The following SLAMF1 variants were observed in gnomAD, a reference collection of about 807,000 sequenced individuals.
SLAMF1 encodes the protein signaling lymphocytic activation molecule family member 1, also known as signaling lymphocytic activation molecule.
A neutral mutation model predicts 35.1 loss-of-function variants in SLAMF1; 18 were observed. The ratio of observed to expected loss-of-function variants is 0.51; its 90% confidence interval spans 0.35 to 0.76. The LOEUF is 0.76. SLAMF1 is among the 30% of genes least tolerant of loss of function. The probability of loss-of-function intolerance (pLI) is 0.01; values close to 1 mark genes in which losing one functional copy is unlikely to be tolerated. For missense variants in SLAMF1, 392 were observed against 413.0 expected, an observed-to-expected ratio of 0.95 and a Z score of 0.44; for synonymous variants, 168 against 157.2, an observed-to-expected ratio of 1.07 and a Z score of -0.51.
chr1:160,628,566 C>G (rs182872685), intron 3 of SLAMF1, among the ~76,000 whole-genome samples: 1 of 152,150 alleles, frequency 6.6e-6, no homozygotes, highest in Non-Finnish European at 1.5e-5. Context: ...ACTTTGATTG[C>G]AAATTCCATG....
intron 6 of SLAMF1, among the ~76,000 whole-genome samples, chr1:160,611,185 T>A (rs1658964501): frequency 6.6e-6 from 1 of 152,066 alleles, no homozygotes; most frequent in Admixed American, 6.5e-5. Flanking sequence ...AAAAGTCTAG[T>A]GGGACTCAAA....
chr1:160,629,716 G>A (rs1181955733), intron 3 of SLAMF1, among the ~76,000 whole-genome samples: 7 of 152,178 alleles, frequency 4.6e-5, no homozygotes, highest in Admixed American at 3.3e-4. Flanking sequence ...TCATGCTTTC[G>A]TGGTAATACG....
chr1:160,637,384 G>T lies in SLAMF1; in HGVS notation c.222C>A (p.Val74=), dbSNP rs191229048. The change falls in exon 2 of 7, where the codon GTC becomes GTA. Residue 74 remains valine (V), a synonymous_variant. Transcript: ENST00000302035. Reference sequence around the variant, plus strand: ...GATCAAGAGACACTATTTTGTTCTCGACACTGTTCTCCAGTGATTTTGCCA... The same window carrying T: ...GATCAAGAGACACTATTTTGTTCTCTACACTGTTCTCCAGTGATTTTGCCA... ...VTMAKSLENS[V]ENKIVSLDPS... The T allele has an allele frequency of 4.1e-5, 66 of 1,613,946 alleles. No homozygotes were observed. The Middle Eastern group carries it at 5.0e-4, about 12-fold the overall frequency.
chr1:160,637,136 G>T, intron 2 of SLAMF1, 55 bp downstream of exon 2: 4 of 1,204,642 alleles, frequency 3.3e-6, no homozygotes, highest in Non-Finnish European at 4.9e-6. Context: ...CTAAATTCTT[G>T]GTCAAAGGAG....
At chr1:160,637,550 G>C (rs748214804) in intron 1 of SLAMF1, 21 bp from the exon 2 acceptor site, 1 of 1,562,780 alleles carries the variant, frequency 6.4e-7, no homozygotes. Context: ...GAGGAGAAGA[G>C]AGTCCCTTAT....
chr1:160,612,642 T>G, intron 5 of SLAMF1, 62 bp from the exon 6 acceptor site: 1 of 998,124 alleles, frequency 1.0e-6, no homozygotes, highest in Non-Finnish European at 1.6e-6. Context: ...CACCCAACTC[T>G]CCGATAGAGA....
At chr1:160,622,643 A>G (rs1047574312) in intron 4 of SLAMF1, among the ~76,000 whole-genome samples, 2 of 152,208 alleles carry the variant, frequency 1.3e-5, no homozygotes, top group Admixed American at 1.3e-4. Flanking sequence ...TTTTCTGTGT[A>G]TTGATACCAA....
At chr1:160,640,690 T>C (rs764589557) in intron 1 of SLAMF1, among the ~76,000 whole-genome samples, 2 of 152,076 alleles carry the variant, frequency 1.3e-5, no homozygotes, top group African/African-American at 4.8e-5. Flanking sequence ...GCTCAGCTAA[T>C]AGTAGACTAG....
intron 3 of SLAMF1, among the ~76,000 whole-genome samples, chr1:160,626,528 A>C (rs1659889793): frequency 6.6e-6 from 1 of 152,226 alleles, no homozygotes; most frequent in African/African-American, 2.4e-5. Context: ...ACAAATATGA[A>C]TCATAGACCT....
chr1:160,616,903 C>T (rs1019979777), intron 5 of SLAMF1, among the ~76,000 whole-genome samples: 2 of 151,996 alleles, frequency 1.3e-5, no homozygotes, highest in Non-Finnish European at 2.9e-5. Context: ...TGCCTGTAAT[C>T]CCAGCACTTT....
rs33918009 is a variant in SLAMF1, at chr1:160,635,738, A to ATTT, written c.416-844_416-842dup. ...AGGTGCCCACCACCATGCTGAGCTAATTTTTTTTTTTTTTGTATTTTTAGT... is the reference window on the plus strand; with the variant it reads ...AGGTGCCCACCACCATGCTGAGCTAATTTTTTTTTTTTTTTTTGTATTTTTAGT... On this transcript the variant is annotated intron_variant, in intron 2 of 6. Transcript: ENST00000302035. 3.0e-4 allele frequency among the ~76,000 whole-genome samples: 43 copies of ATTT among 144,332 alleles called. No homozygotes were observed. In the East Asian group the frequency reaches 5.1e-3, roughly 17 times the overall value. The allele number at this position is 144,332 out of a possible 152,430, so 94.7% of individuals were successfully genotyped here.
At chr1:160,627,270 T>C (rs1659932795) in intron 3 of SLAMF1, among the ~76,000 whole-genome samples, 1 of 152,180 alleles carries the variant, frequency 6.6e-6, no homozygotes, top group Non-Finnish European at 1.5e-5. Context: ...CTGGAATCCA[T>C]CATGTGGTCA....
rs114266501 is a variant in SLAMF1, at chr1:160,642,810, A to G, written c.76+4060T>C. Among the ~76,000 whole-genome samples the G allele has an allele frequency of 0.012, 1,797 of 152,282 alleles. 30 individuals are homozygous for G. The highest frequency in any genetic ancestry group is 0.037 in the African/African-American group (1,522 of 41,540). ...TAAATATAAACCCTAGGTTTCAGGT[A>G]CAACAGACAACTTGCCAAGAACACT... On this transcript the variant is annotated intron_variant, in intron 1 of 6. Coordinates refer to ENST00000302035, the MANE Select transcript of SLAMF1 (RefSeq NM_003037.5). The surrounding 1 kb of genome is among the most constrained non-coding windows in gnomAD (Gnocchi z 4.2).
At position 160,634,689 on chromosome 1, in the gene SLAMF1, G is replaced by C; in HGVS notation, c.624C>G (p.Ile208Met). Residue 208 changes from isoleucine (I) to methionine (M), a missense_variant, in exon 3 of 7, where the codon ATC becomes ATG. By Grantham distance (10) the Ile-to-Met change is conservative. Coordinates refer to ENST00000302035, the MANE Select transcript of SLAMF1 (RefSeq NM_003037.5). ...LGPQHADNIY[I>M]CTVSNPISNN... ...TGCTGATAGGGTTGCTCACGGTGCA[G>C]ATGTAGATATTGTCAGCATGCTGGG... 2 of 1,614,160 alleles carry C rather than the reference G, an allele frequency of 1.2e-6. No individual in the cohort carries two copies. Among genetic ancestry groups the C allele is most frequent in the South Asian group, 2.2e-5 (2 of 91,078 alleles).
chr1:160,624,709 A>G (rs1050440917), intron 3 of SLAMF1, among the ~76,000 whole-genome samples: 1 of 152,226 alleles, frequency 6.6e-6, no homozygotes, highest in African/African-American at 2.4e-5. Context: ...AACCCAGCAG[A>G]CCTGAACTGA....
chr1:160,641,159 C>T lies in SLAMF1; in HGVS notation c.77-3630G>A, dbSNP rs986542112. Among the ~76,000 whole-genome samples the T allele has an allele frequency of 2.6e-5, 4 of 152,024 alleles. 1 individual carries two copies. In the South Asian group the frequency reaches 6.2e-4, roughly 24 times the overall value. On this transcript the variant is annotated intron_variant, in intron 1 of 6. Transcript: ENST00000302035. Reference sequence around the variant, plus strand: ...TTGTATAAAAAGTTGTATAGATGAGCGTATACATATTTTTCTGGGAGCACA... The same window carrying T: ...TTGTATAAAAAGTTGTATAGATGAGTGTATACATATTTTTCTGGGAGCACA...
intron 3 of SLAMF1, among the ~76,000 whole-genome samples, chr1:160,626,343 A>G (rs1659878364): frequency 6.6e-6 from 1 of 152,210 alleles, no homozygotes; most frequent in African/African-American, 2.4e-5. Context: ...CCAAGGCTTC[A>G]GGACATGACA....
Position 160,624,080 on chromosome 1 carries a change from A to G in SLAMF1, c.790+16T>C, listed in dbSNP as rs150592359. ...CAGAGAGTGTGATAAGAATCTATTT[A>G]TTGCCAGACACCTACCTCTTCTTCT... On this transcript the variant is annotated intron_variant, in intron 4 of 6. Coordinates refer to ENST00000302035, the MANE Select transcript of SLAMF1 (RefSeq NM_003037.5). The G allele has an allele frequency of 1.8e-5, 27 of 1,541,982 alleles. No individual in the cohort carries two copies. The African/African-American group carries it at 3.4e-4, about 20-fold the overall frequency.
chr1:160,636,856 G>GA (rs1361552279), intron 2 of SLAMF1, among the ~76,000 whole-genome samples: 2 of 152,024 alleles, frequency 1.3e-5, no homozygotes, highest in Admixed American at 6.6e-5. Context: ...CTTTTAATCA[G>GA]AAAAAAATCC....
Sources: gnomAD v4.1 joint callset for allele counts (sites outside exome capture counted in the v4.1 genomes callset) on GRCh38, gnomAD v4.1.1 for gene constraint, Gnocchi (gnomAD v3.1) non-coding constraint, MANE v1.5 for transcripts, NCBI Gene and HGNC (gene_info 2026-07-23, HGNC 2026-07-21) for gene names.